The following AFAP1L1 variants were observed in gnomAD, a reference collection of about 807,000 sequenced individuals.
The protein encoded by AFAP1L1 is actin filament associated protein 1 like 1.
Under a neutral mutation model 99.8 loss-of-function variants are expected in AFAP1L1, and 77 were observed. That is an observed-to-expected ratio of 0.77 (90% CI 0.64 to 0.93). The LOEUF is 0.93. Ranked by LOEUF, AFAP1L1 falls within the 40% of genes least tolerant of loss-of-function variation. The pLI, the probability that AFAP1L1 is intolerant of heterozygous loss-of-function variation, is 0.00. For synonymous variants in AFAP1L1, 373 were observed against 395.3 expected, an observed-to-expected ratio of 0.94 and a Z score of 0.67; for missense variants, 893 against 996.8, an observed-to-expected ratio of 0.90 and a Z score of 1.40.
rs994052872 is a variant in AFAP1L1, at chr5:149,342,157, T to G, written c.*2127T>G. Among the ~76,000 whole-genome samples the G allele has an allele frequency of 6.6e-6, 1 of 152,244 alleles. No individual in the cohort carries two copies. The highest frequency in any genetic ancestry group is 1.5e-5 in the Non-Finnish European group (1 of 68,042). On this transcript the variant is annotated 3_prime_UTR_variant, in exon 19 of 19. Coordinates refer to ENST00000296721, the MANE Select transcript of AFAP1L1 (RefSeq NM_152406.4). ...GGTTTAATGCTCTACTATTGCCTTC[T>G]TAATCATATTTGAACAAGGAGTTCT... is the stretch of plus-strand genomic sequence containing the variant.
chr5:149,315,126 C>A (rs1756757247), intron 9 of AFAP1L1, among the ~76,000 whole-genome samples: 1 of 152,112 alleles, frequency 6.6e-6, no homozygotes, highest in African/African-American at 2.4e-5. Flanking sequence ...ACTTAATGGA[C>A]CTTGTATGAA....
At chr5:149,290,160 G>GA (rs761752303) in intron 1 of AFAP1L1, among the ~76,000 whole-genome samples, 60 of 152,338 alleles carry the variant, frequency 3.9e-4, no homozygotes, top group Non-Finnish European at 8.1e-4. Context: ...TTGAACCCGG[G>GA]AGGCAGAGGT....
chr5:149,286,985 T>C (rs150812424), intron 1 of AFAP1L1, among the ~76,000 whole-genome samples: 1 of 152,328 alleles, frequency 6.6e-6, no homozygotes, highest in Non-Finnish European at 1.5e-5. Context: ...CTGGCAAGTT[T>C]AACCTTGCTA....
Position 149,342,715 on chromosome 5 carries a change from C to G in AFAP1L1, c.*2685C>G, listed in dbSNP as rs569028985. ...TCACTTGAGGTCAGGAGTTCAAGACCAGCCTGGCCAACATGGCAAAACCCC... is the reference window on the plus strand; with the variant it reads ...TCACTTGAGGTCAGGAGTTCAAGACGAGCCTGGCCAACATGGCAAAACCCC... On this transcript the variant is annotated 3_prime_UTR_variant, in exon 19 of 19. Coordinates refer to ENST00000296721, the MANE Select transcript of AFAP1L1 (RefSeq NM_152406.4). 4.7e-4 allele frequency among the ~76,000 whole-genome samples: 71 copies of G among 152,284 alleles called. No homozygotes were observed. The highest frequency in any genetic ancestry group is 1.6e-3 in the African/African-American group (67 of 41,562).
At chr5:149,323,756 C>G (rs1310529844) in intron 15 of AFAP1L1, among the ~76,000 whole-genome samples, 1 of 152,146 alleles carries the variant, frequency 6.6e-6, no homozygotes, top group Admixed American at 6.5e-5. Context: ...CCTGAGTTTC[C>G]TCTCTGAACA....
rs146638992 is a variant in AFAP1L1 at position 149,292,939 on chromosome 5, T to C, written c.17-6570T>C. On this transcript the variant is annotated intron_variant, in intron 1 of 18. Transcript: ENST00000296721. ...GTCTAGAAGATATTGTCTCCTCACCTTGCTTGGAGGGGGTCCTTGGAATGT... is the reference window on the plus strand; with the variant it reads ...GTCTAGAAGATATTGTCTCCTCACCCTGCTTGGAGGGGGTCCTTGGAATGT... Among the ~76,000 whole-genome samples, 327 of 152,288 alleles carry C rather than the reference T, an allele frequency of 2.1e-3. 4 individuals carry two copies. The highest frequency in any genetic ancestry group is 7.4e-3 in the African/African-American group (309 of 41,560).
rs952946378 is a variant in AFAP1L1 at position 149,305,924 on chromosome 5, T to A, written c.437-382T>A. Among the ~76,000 whole-genome samples the A allele has an allele frequency of 3.0e-3, 405 of 132,992 alleles. 4 individuals are homozygous for A. The highest frequency in any genetic ancestry group is 0.011 in the African/African-American group (379 of 33,944). The allele number at this position is 132,992 out of a possible 152,430, so 87.2% of individuals were successfully genotyped here. ...CACACACACACACACACACACACCA[T>A]GCACACATGCAATGCTCTGGGGTCA... On this transcript the variant is annotated intron_variant, in intron 5 of 18. Coordinates refer to ENST00000296721, the MANE Select transcript of AFAP1L1 (RefSeq NM_152406.4).
intron 1 of AFAP1L1, among the ~76,000 whole-genome samples, chr5:149,275,497 C>CTTTCT (rs1755288864): frequency 2.0e-5 from 3 of 151,170 alleles, no homozygotes; most frequent in Non-Finnish European, 4.4e-5. Context: ...TCCTTCTTTC[C>CTTTCT]TCTTTCTTCA....
chr5:149,282,918 G>A (rs1167093816), intron 1 of AFAP1L1, among the ~76,000 whole-genome samples: 4 of 152,128 alleles, frequency 2.6e-5, no homozygotes, highest in African/African-American at 9.7e-5. Flanking sequence ...AACTACTTTT[G>A]GCCTCAGAAA....
chr5:149,324,158 A>T, intron 15 of AFAP1L1, among the ~76,000 whole-genome samples: 1 of 152,182 alleles, frequency 6.6e-6, no homozygotes, highest in East Asian at 1.9e-4. Flanking sequence ...ACTGAAGAAA[A>T]TAAAAGGGAA....
chr5:149,307,719 C>CT, intron 7 of AFAP1L1, 106 bp downstream of exon 7: 1 of 1,235,328 alleles, frequency 8.1e-7, no homozygotes, highest in Non-Finnish European at 1.1e-6. Flanking sequence ...CCTGGATTGA[C>CT]TGTGTGCACA....
intron 1 of AFAP1L1, among the ~76,000 whole-genome samples, chr5:149,278,439 A>G (rs1755410092): frequency 6.6e-6 from 1 of 152,150 alleles, no homozygotes; most frequent in African/African-American, 2.4e-5. Context: ...CTGTTGATTG[A>G]GCCTCTACTC....
At chr5:149,337,983 A>G (rs990850037) in intron 18 of AFAP1L1, among the ~76,000 whole-genome samples, 1 of 152,218 alleles carries the variant, frequency 6.6e-6, no homozygotes, top group Non-Finnish European at 1.5e-5. Flanking sequence ...GCTGGAGCAA[A>G]GAGGGAAAGC....
At chr5:149,301,957 A>T (rs1756232643) in intron 4 of AFAP1L1, among the ~76,000 whole-genome samples, 1 of 152,256 alleles carries the variant, frequency 6.6e-6, no homozygotes, top group African/African-American at 2.4e-5. Context: ...CCCATGTCCC[A>T]CAACTCACAC....
At chr5:149,312,852 C>T (rs1306813069) in intron 9 of AFAP1L1, among the ~76,000 whole-genome samples, 2 of 150,804 alleles carry the variant, frequency 1.3e-5, no homozygotes, top group Non-Finnish European at 2.9e-5. Context: ...GTAGGCCGGG[C>T]GCAGTGGCTC....
chr5:149,274,338 A>G (rs1479292692), intron 1 of AFAP1L1, among the ~76,000 whole-genome samples: 2 of 152,210 alleles, frequency 1.3e-5, no homozygotes, highest in African/African-American at 4.8e-5. Context: ...ACTTAGTAGT[A>G]TTCTCTTTTT....
At position 149,322,607 on chromosome 5, in the gene AFAP1L1, A is replaced by G. The variant is rs1432091867; in HGVS notation, c.1700A>G (p.Asp567Gly). 1.9e-6 allele frequency: 3 copies of G among 1,567,882 alleles called. No individual in the cohort carries two copies. The highest frequency in any genetic ancestry group is 2.6e-6 in the Non-Finnish European group (3 of 1,155,006). The change falls in exon 15 of 19, where the codon GAC (aspartate) becomes GGC (glycine). Residue 567 changes from aspartate (D) to glycine (G), a missense_variant and splice_region_variant. Coordinates refer to ENST00000296721, the MANE Select transcript of AFAP1L1 (RefSeq NM_152406.4). ...CTGTCTTCCTCCATCTCCCACCAGGACGAGGAGCCCGAGCGCCCCACAGGG... is the reference window on the plus strand; with the variant it reads ...CTGTCTTCCTCCATCTCCCACCAGGGCGAGGAGCCCGAGCGCCCCACAGGG... ...YDDVPYEKMQ[D>G]EEPERPTGAQ... is the part of the protein sequence containing the mutation.
At chr5:149,312,343 CAGT>C (rs1430864877) in intron 9 of AFAP1L1, 139 bp downstream of exon 9, 5 of 791,032 alleles carry the variant, frequency 6.3e-6, no homozygotes, top group Non-Finnish European at 1.1e-5. Context: ...GCTGGCACAA[CAGT>C]AGGTGCTTAA....
intron 1 of AFAP1L1, among the ~76,000 whole-genome samples, chr5:149,291,195 G>A (rs551486354): frequency 3.3e-5 from 5 of 152,244 alleles, no homozygotes; most frequent in Non-Finnish European, 7.4e-5. Flanking sequence ...TCCCTGAGTT[G>A]AGAGGTGAGG....
Sources: gnomAD v4.1 joint callset for allele counts (sites outside exome capture counted in the v4.1 genomes callset) on GRCh38, gnomAD v4.1.1 for gene constraint, MANE v1.5 for transcripts, NCBI Gene and HGNC (gene_info 2026-07-23, HGNC 2026-07-21) for gene names.